The following PRKAR1A variants were observed in gnomAD, a reference collection of about 807,000 sequenced individuals.
PRKAR1A encodes the protein cAMP-dependent protein kinase type I-alpha regulatory subunit.
PRKAR1A carries 3 observed loss-of-function variants against 52.0 expected under a neutral mutation model. That is an observed-to-expected ratio of 0.06 (90% CI 0.03 to 0.15). The LOEUF is 0.15. Ranked by LOEUF, PRKAR1A falls within the 10% of genes least tolerant of loss-of-function variation. PRKAR1A has a pLI of 1.00. For missense variants in PRKAR1A, 240 were observed against 477.4 expected (o/e 0.50, Z 4.63); for synonymous variants, 188 against 168.4 (o/e 1.12, Z -0.90).
the PRKAR1A span, among the ~76,000 whole-genome samples, chr17:68,478,050 C>T: frequency 2.0e-5 from 3 of 152,228 alleles, no homozygotes; most frequent in East Asian, 3.8e-4. Flanking sequence ...TAAGCTTTAA[C>T]AAACTGTACT....
chr17:68,541,004 G>C, intron 11 of PRKAR1A: 2 of 1,550,614 alleles, frequency 1.3e-6, no homozygotes, highest in Non-Finnish European at 1.7e-6. Flanking sequence ...CAAGATGGCA[G>C]GGTGTCGGGG....
chr17:68,422,833 G>A, the PRKAR1A span: 2 of 149,672 alleles, frequency 1.3e-5, no homozygotes, highest in Non-Finnish European at 3.0e-5. Context: ...ACAAAATACA[G>A]AGACTTGTAC....
chr17:68,443,251 C>G, the PRKAR1A span, among the ~76,000 whole-genome samples: 1 of 152,112 alleles, frequency 6.6e-6, no homozygotes, highest in African/African-American at 2.4e-5. Flanking sequence ...GCTGGGATTA[C>G]AGGCACTCGC....
At chr17:68,447,984 C>CA in the PRKAR1A span, among the ~76,000 whole-genome samples, 523 of 80,148 alleles carry the variant, frequency 6.5e-3, 6 homozygotes, top group South Asian at 0.013. Context: ...GACTCTATCT[C>CA]AAAAAAAAAA....
chr17:68,529,825 A>G, intron 9 of PRKAR1A, 95 bp from the exon 10 acceptor site: 2 of 1,162,690 alleles, frequency 1.7e-6, no homozygotes, highest in Non-Finnish European at 1.3e-6. Flanking sequence ...ATATGCACAC[A>G]TTTGCAAGGT....
the PRKAR1A span, among the ~76,000 whole-genome samples, chr17:68,479,017 C>A: frequency 6.6e-6 from 1 of 152,192 alleles, no homozygotes. Flanking sequence ...CATAAGCCAC[C>A]GCGCCCAGCC....
At chr17:68,508,733 T>C (rs2085227521), upstream of PRKAR1A, among the ~76,000 whole-genome samples, 3 of 152,208 alleles carry the variant, frequency 2.0e-5, no homozygotes, top group Admixed American at 6.5e-5. Flanking sequence ...GATTAAGATA[T>C]TTTTACTTGG....
the PRKAR1A span, chr17:68,435,629 C>G: frequency 6.2e-7 from 1 of 1,614,126 alleles, no homozygotes; most frequent in South Asian, 1.1e-5. Flanking sequence ...CTTTTTCAGA[C>G]GCACTTGCTA....
chr17:68,428,710 G>T, the PRKAR1A span: 2 of 760,782 alleles, frequency 2.6e-6, no homozygotes, highest in Non-Finnish European at 2.2e-6. Flanking sequence ...GTTTGCCACT[G>T]AGACTGCCAG....
chr17:68,540,891 G>A (rs1169684397), intron 11 of PRKAR1A: 4 of 1,605,460 alleles, frequency 2.5e-6, no homozygotes, highest in Non-Finnish European at 3.4e-6. Flanking sequence ...ACATTGAGGA[G>A]CCGCTGGCTG....
intron 11 of PRKAR1A, chr17:68,542,011 G>A (rs988700784): frequency 6.2e-7 from 1 of 1,614,062 alleles, no homozygotes; most frequent in Non-Finnish European, 8.5e-7. Flanking sequence ...GTGTGTAGGA[G>A]CGGATCCAGG....
At chr17:68,550,795 T>C (rs2086801739) in intron 11 of PRKAR1A, among the ~76,000 whole-genome samples, 1 of 152,186 alleles carries the variant, frequency 6.6e-6, no homozygotes, top group Non-Finnish European at 1.5e-5. Flanking sequence ...GGCATAAGGA[T>C]TTTTAAAGCC....
At chr17:68,489,771 G>T in the PRKAR1A span, among the ~76,000 whole-genome samples, 1 of 151,832 alleles carries the variant, frequency 6.6e-6, no homozygotes, top group African/African-American at 2.4e-5. Context: ...GGCCAGCCCG[G>T]TCTCGAACTC....
the PRKAR1A span, among the ~76,000 whole-genome samples, chr17:68,492,292 C>A: frequency 6.6e-6 from 1 of 152,110 alleles, no homozygotes; most frequent in South Asian, 2.1e-4. Flanking sequence ...GCAGAGGACA[C>A]CCCAGATATT....
At chr17:68,489,268 A>ATATATATATATATATATATATATGGAAAG in the PRKAR1A span, among the ~76,000 whole-genome samples, 1 of 13,904 alleles carries the variant, frequency 7.2e-5, no homozygotes, top group Non-Finnish European at 1.1e-4. Flanking sequence ...TATGGAAAGT[A>ATATATATATATATATATATATATGGAAAG]TATATATATA....
the PRKAR1A span, chr17:68,435,535 A>T: frequency 3.8e-6 from 5 of 1,325,000 alleles, no homozygotes; most frequent in Admixed American, 8.5e-5. Flanking sequence ...TCTTCATGTC[A>T]CCAGGTTTGT....
In PRKAR1A at chr17:68,530,462, G is replaced by A. The variant is rs753860285; in HGVS notation, c.*13G>A. 1.2e-6 allele frequency: 2 copies of A among 1,613,966 alleles called. No individual in the cohort carries two copies. The highest frequency in any genetic ancestry group is 1.1e-5 in the South Asian group (1 of 91,084). On this transcript the variant is annotated 3_prime_UTR_variant, in exon 11 of 11. Transcript: ENST00000589228. ...ACTGTCTGTCTGAAATCTGCCTCCT[G>A]TGCCTCCCTTTTCTCCTCTCCCCAA...
intron 11 of PRKAR1A, among the ~76,000 whole-genome samples, chr17:68,547,886 A>G (rs1479663784): frequency 6.6e-6 from 1 of 152,194 alleles, no homozygotes; most frequent in Non-Finnish European, 1.5e-5. Context: ...CTTTTGGCTT[A>G]TTGGCTTTCA....
chr17:68,534,397 A>G (rs2086049551), downstream of PRKAR1A, among the ~76,000 whole-genome samples: 1 of 152,094 alleles, frequency 6.6e-6, no homozygotes, highest in Non-Finnish European at 1.5e-5. Flanking sequence ...GCTAAACTTT[A>G]TTTGTAACCC....
Sources: allele counts gnomAD v4.1 joint callset (sites outside exome capture counted in the v4.1 genomes callset), GRCh38; gene constraint gnomAD v4.1.1; transcripts MANE v1.5; gene names NCBI Gene and HGNC (gene_info 2026-07-23, HGNC 2026-07-21).